Variants in GLIPR1L2 observed in about 807,000 individuals in gnomAD.
The protein encoded by GLIPR1L2 is GLIPR1 like 2.
A neutral mutation model predicts 28.4 loss-of-function variants in GLIPR1L2; 21 were observed. The ratio of observed to expected loss-of-function variants is 0.74; its 90% CI spans 0.52 to 1.06. The LOEUF (loss-of-function observed/expected upper bound fraction) is 1.06, where lower values mean the gene tolerates loss of function less well. GLIPR1L2 is among the 50% of genes least tolerant of loss of function. GLIPR1L2 has a pLI of 0.00. For missense variants in GLIPR1L2, 476 were observed against 416.9 expected (o/e 1.14, Z -1.23); for synonymous variants, 145 against 139.3 (o/e 1.04, Z -0.29).
intron 3 of GLIPR1L2, among the ~76,000 whole-genome samples, chr12:75,419,885 A>G (rs2045959932): frequency 6.6e-6 from 1 of 152,214 alleles, no homozygotes; most frequent in Non-Finnish European, 1.5e-5. Flanking sequence ...GGCAAAGACA[A>G]ATATATTAGA....
chr12:75,423,617 CGT>C (rs2139961868), intron 4 of GLIPR1L2: 1 of 356,042 alleles, frequency 2.8e-6, no homozygotes, highest in African/African-American at 2.2e-5. Flanking sequence ...CTGTGCAGAA[CGT>C]GCAGGTTTGT....
chr12:75,403,664 T>C (rs988439125), intron 1 of GLIPR1L2, among the ~76,000 whole-genome samples: 2 of 152,106 alleles, frequency 1.3e-5, no homozygotes, highest in Admixed American at 1.3e-4. Flanking sequence ...CTTCCCATCA[T>C]CTTTGCTCCT....
At position 75,391,176 on chromosome 12, in the gene GLIPR1L2, A is replaced by G. The variant is rs1208258820; in HGVS notation, c.60A>G (p.Val20=). The change falls in exon 1 of 6, where the codon GTA becomes GTG. Residue 20 remains valine (V), a synonymous_variant. Transcript: ENST00000550916. ...GGGCCCAGTCCCTACCCCTGGCAGT[A>G]GGGGGCGTTTTGAAGCTGCGGCTCT... ...EWRAQSLPLA[V]GGVLKLRLCE... is the part of the protein sequence containing the mutation. 1 of 1,614,030 alleles carries G rather than the reference A, an allele frequency of 6.2e-7. No homozygotes were observed. Among genetic ancestry groups the G allele is most frequent in the African/African-American group, 1.3e-5 (1 of 74,920 alleles).
chr12:75,398,388 C>T (rs199608921), intron 1 of GLIPR1L2, among the ~76,000 whole-genome samples: 1 of 148,620 alleles, frequency 6.7e-6, no homozygotes, highest in East Asian at 2.0e-4. Flanking sequence ...ATGAATTGCT[C>T]TTCAACCATT....
chr12:75,392,100 C>A (rs1369095415), intron 1 of GLIPR1L2, among the ~76,000 whole-genome samples: 1 of 152,122 alleles, frequency 6.6e-6, no homozygotes, highest in Non-Finnish European at 1.5e-5. Flanking sequence ...AATAACTGTC[C>A]TCTTAGGGAA....
chr12:75,418,508 G>T (rs1209198803), intron 3 of GLIPR1L2, among the ~76,000 whole-genome samples: 1 of 152,094 alleles, frequency 6.6e-6, no homozygotes, highest in African/African-American at 2.4e-5. Flanking sequence ...CCCATTGCTT[G>T]TTTATGTCAG....
At chr12:75,413,232 T>A (rs894809865) in intron 2 of GLIPR1L2, among the ~76,000 whole-genome samples, 1 of 151,560 alleles carries the variant, frequency 6.6e-6, no homozygotes, top group South Asian at 2.1e-4. Context: ...CATTAGGAGA[T>A]ATACCTAATG....
In GLIPR1L2 at chr12:75,431,223, A is replaced by C; in HGVS notation, c.*62A>C. The C allele has an allele frequency of 1.7e-6, 1 of 571,948 alleles. No homozygotes were observed. 35.4% of individuals were successfully genotyped at this position (571,948 alleles called of 1,614,324 possible). ...TAAACCAAAAGTGTAATACAAAAAA[A>C]GACAGAAAAAAAAAAAAAGTAAAAC... On this transcript the variant is annotated 3_prime_UTR_variant, in exon 6 of 6. Transcript: ENST00000550916.
intron 3 of GLIPR1L2, among the ~76,000 whole-genome samples, chr12:75,414,536 A>G (rs2045905557): frequency 6.6e-6 from 1 of 152,080 alleles, no homozygotes; most frequent in Non-Finnish European, 1.5e-5. Context: ...CAAAAGAACT[A>G]TGCTGTGCAT....
intron 3 of GLIPR1L2, among the ~76,000 whole-genome samples, chr12:75,417,843 CAT>C (rs1161530263): frequency 2.6e-5 from 4 of 151,870 alleles, no homozygotes; most frequent in African/African-American, 9.7e-5. Flanking sequence ...AAAACTCACA[CAT>C]TTTAAGTACA....
chr12:75,424,370 A>C (rs569247065), intron 4 of GLIPR1L2, among the ~76,000 whole-genome samples: 2 of 152,288 alleles, frequency 1.3e-5, no homozygotes, highest in East Asian at 3.9e-4. Flanking sequence ...TCTTCTTTTG[A>C]GAAGTGTCTG....
At chr12:75,407,297 G>A (rs921119618) in intron 1 of GLIPR1L2, among the ~76,000 whole-genome samples, 6 of 151,974 alleles carry the variant, frequency 3.9e-5, no homozygotes, top group Admixed American at 1.3e-4. Flanking sequence ...CTTCAATAAT[G>A]AAATTTTTCA....
In GLIPR1L2 at chr12:75,391,143, G is replaced by C; in HGVS notation, c.27G>C (p.Arg9=). MEAARPFA[R]EWRAQSLPLA... ...TGGAGGCCGCAAGGCCCTTCGCCCGGGAGTGGAGGGCCCAGTCCCTACCCC... is the reference window on the plus strand; with the variant it reads ...TGGAGGCCGCAAGGCCCTTCGCCCGCGAGTGGAGGGCCCAGTCCCTACCCC... Residue 9 remains arginine (R), a synonymous_variant, in exon 1 of 6, where the codon CGG becomes CGC. Coordinates refer to ENST00000550916, the MANE Select transcript of GLIPR1L2 (RefSeq NM_001270396.2). The C allele has an allele frequency of 6.2e-7, 1 of 1,613,954 alleles. No individual in the cohort carries two copies.
At position 75,413,673 on chromosome 12, in the gene GLIPR1L2, G is replaced by A. The variant is rs1366043607; in HGVS notation, c.556G>A (p.Ala186Thr). 6 of 1,530,040 alleles carry A rather than the reference G, an allele frequency of 3.9e-6. No individual in the cohort carries two copies. Among genetic ancestry groups the A allele is most frequent in the Non-Finnish European group, 5.3e-6 (6 of 1,138,132 alleles). The allele number at this position is 1,530,040 out of a possible 1,614,324, so 94.8% of individuals were successfully genotyped here. ...AAAAATTGGACATATTATACATGCA[G>A]CAATTTTCATATGCAACTATGCGCC... Reference protein sequence around the residue: ...CSKIGHIIHAAIFICNYAPGG... With the variant: ...CSKIGHIIHATIFICNYAPGG... Residue 186 changes from alanine to threonine, a missense_variant, in exon 3 of 6, where the codon GCA (alanine) becomes ACA (threonine). By Grantham distance (58) the Ala-to-Thr change is moderately conservative. Coordinates refer to ENST00000550916, the MANE Select transcript of GLIPR1L2 (RefSeq NM_001270396.2).
intron 1 of GLIPR1L2, among the ~76,000 whole-genome samples, chr12:75,409,733 TATATAAGATGTATATCTAATCCGATA>T (rs1360205594): frequency 6.8e-6 from 1 of 146,282 alleles, no homozygotes; most frequent in East Asian, 2.0e-4. Flanking sequence ...TAATCCGATA[TATATAAGATGTATATCTAATCCGATA>T]TATATAAGAT....
rs774080909 is a variant in GLIPR1L2 at position 75,391,093 on chromosome 12, T to C, written c.-24T>C. Reference sequence around the variant, plus strand: ...ACTGGGACGGCCAGCGCGTGCGCACTGGCCTGTCAGCGGCCGGTGGACCAT... The same window carrying C: ...ACTGGGACGGCCAGCGCGTGCGCACCGGCCTGTCAGCGGCCGGTGGACCAT... On this transcript the variant is annotated 5_prime_UTR_variant, in exon 1 of 6. Transcript: ENST00000550916. The C allele has an allele frequency of 1.9e-6, 3 of 1,558,878 alleles. No homozygotes were observed. The highest frequency in any genetic ancestry group is 2.6e-6 in the Non-Finnish European group (3 of 1,133,582).
intron 1 of GLIPR1L2, among the ~76,000 whole-genome samples, chr12:75,400,016 C>A (rs2045722373): frequency 6.6e-6 from 1 of 152,184 alleles, no homozygotes; most frequent in African/African-American, 2.4e-5. Flanking sequence ...GAAAGATACT[C>A]TAATCTCCAG....
At chr12:75,425,816 A>T (rs1390734668) in intron 4 of GLIPR1L2, among the ~76,000 whole-genome samples, 1 of 152,100 alleles carries the variant, frequency 6.6e-6, no homozygotes, top group African/African-American at 2.4e-5. Context: ...TAAAAGTATA[A>T]TGGGGGCTAG....
chr12:75,430,286 A>G lies in GLIPR1L2; in HGVS notation c.671-429A>G, dbSNP rs140753869. Among the ~76,000 whole-genome samples the G allele has an allele frequency of 1.1e-4, 17 of 152,312 alleles. 1 individual carries two copies. The East Asian group carries it at 1.2e-3, about 10-fold the overall frequency. ...TTTACCTTCTGGGAAATTAAGAGCA[A>G]CTGAAAGCTTCTGAAAATAAGAATT... On this transcript the variant is annotated intron_variant, in intron 4 of 5. Coordinates refer to ENST00000550916, the MANE Select transcript of GLIPR1L2 (RefSeq NM_001270396.2).
Sources: gnomAD v4.1 joint callset for allele counts (sites outside exome capture counted in the v4.1 genomes callset) on GRCh38, gnomAD v4.1.1 for gene constraint, MANE v1.5 for transcripts, NCBI Gene and HGNC (gene_info 2026-07-23, HGNC 2026-07-21) for gene names.